Variants in HPSE2 observed in about 807,000 individuals in gnomAD.
HPSE2 encodes inactive heparanase-2.
A neutral mutation model predicts 60.5 loss-of-function variants in HPSE2; 38 were observed. The ratio of observed to expected loss-of-function variants is 0.63; its 90% CI spans 0.48 to 0.82. The LOEUF is 0.82. Among genes scored for constraint, HPSE2 ranks in the 40% least tolerant of loss-of-function variants. The pLI is 0.00. For synonymous variants in HPSE2, 295 were observed against 293.2 expected (o/e 1.01, Z -0.06); for missense variants, 713 against 740.4 (o/e 0.96, Z 0.43).
intron 9 of HPSE2, among the ~76,000 whole-genome samples, chr10:98,521,837 C>T (rs898185936): frequency 1.3e-4 from 20 of 152,114 alleles, no homozygotes; most frequent in African/African-American, 4.8e-4. Flanking sequence ...TTTGCAGGGA[C>T]ATGGATAAAG....
At chr10:98,770,899 T>C (rs777955285) in intron 3 of HPSE2, among the ~76,000 whole-genome samples, 5 of 152,120 alleles carry the variant, frequency 3.3e-5, no homozygotes, top group African/African-American at 4.8e-5. Flanking sequence ...TAGGTGAGCA[T>C]GAACAGCCCC....
intron 3 of HPSE2, among the ~76,000 whole-genome samples, chr10:98,871,800 C>T (rs1486092113): frequency 3.3e-5 from 5 of 152,028 alleles, no homozygotes; most frequent in Non-Finnish European, 7.4e-5. Flanking sequence ...GTAGAGCTGA[C>T]AACTCCATGA....
chr10:98,746,090 A>G (rs1443997582), intron 3 of HPSE2, among the ~76,000 whole-genome samples: 1 of 152,138 alleles, frequency 6.6e-6, no homozygotes, highest in Non-Finnish European at 1.5e-5. Flanking sequence ...AACTTATATC[A>G]TACTCTACCC....
chr10:99,161,361 GAA>G (rs1446756918), intron 2 of HPSE2, among the ~76,000 whole-genome samples: 1 of 152,070 alleles, frequency 6.6e-6, no homozygotes, highest in Non-Finnish European at 1.5e-5. Flanking sequence ...ATGCCATTCA[GAA>G]ATAAAAAGAA....
At chr10:99,176,878 C>T (rs1323286738) in intron 2 of HPSE2, among the ~76,000 whole-genome samples, 2 of 151,842 alleles carry the variant, frequency 1.3e-5, no homozygotes, top group African/African-American at 2.4e-5. Flanking sequence ...AGAAAAAGGT[C>T]GGATTATCCA....
intron 3 of HPSE2, among the ~76,000 whole-genome samples, chr10:99,032,088 C>A (rs920587824): frequency 1.3e-5 from 2 of 152,178 alleles, no homozygotes; most frequent in African/African-American, 4.8e-5. Flanking sequence ...TAATCTCAAT[C>A]TCCACTTGCC....
chr10:98,807,172 T>C (rs1951062037), intron 3 of HPSE2, among the ~76,000 whole-genome samples: 1 of 152,186 alleles, frequency 6.6e-6, no homozygotes, highest in African/African-American at 2.4e-5. Context: ...ATAATATTAA[T>C]GAATCTCAAA....
chr10:98,466,085 C>T (rs1220577673), intron 11 of HPSE2, among the ~76,000 whole-genome samples: 3 of 152,154 alleles, frequency 2.0e-5, no homozygotes, highest in Non-Finnish European at 2.9e-5. Context: ...TCACTGTTCT[C>T]GATAGCCATG....
At chr10:99,045,487 A>G (rs1957833923) in intron 3 of HPSE2, among the ~76,000 whole-genome samples, 1 of 152,120 alleles carries the variant, frequency 6.6e-6, no homozygotes, top group Admixed American at 6.5e-5. Context: ...AACAATAATT[A>G]CAGAAGAACC....
At chr10:98,917,097 G>C (rs1213541415) in intron 3 of HPSE2, among the ~76,000 whole-genome samples, 1 of 152,002 alleles carries the variant, frequency 6.6e-6, no homozygotes, top group Non-Finnish European at 1.5e-5. Flanking sequence ...TTTTTTGTTG[G>C]GGGTGTATGA....
chr10:98,904,375 G>C (rs1344952460), intron 3 of HPSE2, among the ~76,000 whole-genome samples: 1 of 152,138 alleles, frequency 6.6e-6, no homozygotes, highest in East Asian at 1.9e-4. Context: ...CAGATAGTAA[G>C]CTTGACAAGA....
chr10:99,159,553 A>G (rs1049197677), intron 2 of HPSE2, among the ~76,000 whole-genome samples: 3 of 152,196 alleles, frequency 2.0e-5, no homozygotes, highest in African/African-American at 4.8e-5. Flanking sequence ...TAGCTTACTT[A>G]ACTTTTCTGT....
intron 3 of HPSE2, among the ~76,000 whole-genome samples, chr10:98,771,101 G>A (rs894610845): frequency 1.3e-5 from 2 of 152,034 alleles, no homozygotes; most frequent in Admixed American, 6.6e-5. Flanking sequence ...GAAACTGAGG[G>A]AGTTAACAAG....
chr10:99,012,772 G>T (rs185307031), intron 3 of HPSE2, among the ~76,000 whole-genome samples: 1 of 152,118 alleles, frequency 6.6e-6, no homozygotes, highest in East Asian at 1.9e-4. Context: ...ACTAGGGAGG[G>T]TTATACTGAT....
chr10:99,015,478 C>T (rs1181073584), intron 3 of HPSE2, among the ~76,000 whole-genome samples: 4 of 152,174 alleles, frequency 2.6e-5, no homozygotes, highest in Non-Finnish European at 5.9e-5. Context: ...CCATGGAATA[C>T]TATGCAGCCA....
intron 11 of HPSE2, among the ~76,000 whole-genome samples, chr10:98,473,149 C>T (rs2133612443): frequency 6.6e-6 from 1 of 152,066 alleles, no homozygotes. Flanking sequence ...ATATTTCCTC[C>T]TCCATCTCAG....
At chr10:99,213,462 T>A (rs1443871064) in intron 2 of HPSE2, among the ~76,000 whole-genome samples, 1 of 152,114 alleles carries the variant, frequency 6.6e-6, no homozygotes, top group Non-Finnish European at 1.5e-5. Flanking sequence ...ATCATCATAT[T>A]TCATTGAGCA....
intron 2 of HPSE2, among the ~76,000 whole-genome samples, chr10:99,146,372 T>C (rs529530966): frequency 1.6e-4 from 24 of 152,336 alleles, no homozygotes; most frequent in South Asian, 4.1e-4. Flanking sequence ...AGGGTAGTTA[T>C]GTAACATGGT....
chr10:99,248,333 C>G, the HPSE2 span, among the ~76,000 whole-genome samples: 1 of 152,188 alleles, frequency 6.6e-6, no homozygotes, highest in Non-Finnish European at 1.5e-5. Flanking sequence ...GAAAAGGCCA[C>G]TTTTCTATGC....
Sources: gnomAD v4.1 joint callset for allele counts (sites outside exome capture counted in the v4.1 genomes callset) on GRCh38, gnomAD v4.1.1 for gene constraint, MANE v1.5 for transcripts, NCBI Gene and HGNC (gene_info 2026-07-23, HGNC 2026-07-21) for gene names.